MYT1: variants seen among roughly 807,000 people sequenced by gnomAD.
The protein encoded by MYT1 is myelin transcription factor I.
Under a neutral mutation model 123.0 loss-of-function variants are expected in MYT1, and 23 were observed. The observed-to-expected ratio is 0.19, with a 90% CI of 0.13 to 0.26. The LOEUF (loss-of-function observed/expected upper bound fraction) is 0.26. Among genes scored for constraint, MYT1 ranks in the 10% least tolerant of loss-of-function variants. The pLI is 1.00. For synonymous variants in MYT1, 518 were observed against 575.3 expected (o/e 0.90, Z 1.43); for missense variants, 1,125 against 1,472.5 (o/e 0.76, Z 3.86).
At chr20:64,222,451 G>A (rs868427683) in intron 14 of MYT1, among the ~76,000 whole-genome samples, 35 of 152,382 alleles carry the variant, frequency 2.3e-4, no homozygotes, top group Middle Eastern at 3.4e-3. Context: ...GGCCTGGAAT[G>A]TACTGCCTTA....
rs1354997985 is a variant in MYT1 at position 64,193,841 on chromosome 20, A to G, written c.-1+3681A>G. Among the ~76,000 whole-genome samples, 1 of 152,126 alleles carries G rather than the reference A, an allele frequency of 6.6e-6. No homozygotes were observed. The highest frequency in any genetic ancestry group is 1.5e-5 in the Non-Finnish European group (1 of 68,032). ...GTAATTTTATGGATTTTTAAAGAAT[A>G]GTTGTAAGTCCATTCTAATTCTCCA... On this transcript the variant is annotated intron_variant, in intron 2 of 22. Transcript: ENST00000328439. This position sits in a 1 kb window ranked among gnomAD's most constrained non-coding sequence, Gnocchi z 4.0.
chr20:64,234,769 ATGTGACCCTGGGATGGTCATGGTG>A (rs1164599154), intron 19 of MYT1, among the ~76,000 whole-genome samples: 3 of 106,462 alleles, frequency 2.8e-5, no homozygotes, highest in South Asian at 3.5e-4. Context: ...TGGCCGTGGT[ATGTGACCCTGGGATGGTCATGGTG>A]TGTGACCCGG....
chr20:64,240,903 C>T lies in MYT1; in HGVS notation c.*455C>T. The T allele has an allele frequency of 6.1e-6, 1 of 162,920 alleles. No individual in the cohort carries two copies. The highest frequency in any genetic ancestry group is 1.3e-5 in the Non-Finnish European group (1 of 74,612). The allele number at this position is 162,920 out of a possible 1,614,324, so 10.1% of individuals were successfully genotyped here. ...GCAGCGTGTCTGTGCTCAGTGAGGG[C>T]CGATGAAGAAAGTGCGTTTTCTGTT... On this transcript the variant is annotated 3_prime_UTR_variant, in exon 23 of 23. Coordinates refer to ENST00000328439, the MANE Select transcript of MYT1 (RefSeq NM_004535.3).
At position 64,168,219 on chromosome 20, in the gene MYT1, G is replaced by A. The variant is rs922457886; in HGVS notation, c.-99+3480G>A. Among the ~76,000 whole-genome samples the A allele has an allele frequency of 3.3e-5, 5 of 152,230 alleles. No homozygotes were observed. The highest frequency in any genetic ancestry group is 1.2e-4 in the African/African-American group (5 of 41,450). On this transcript the variant is annotated intron_variant, in intron 1 of 22. Coordinates refer to ENST00000328439, the MANE Select transcript of MYT1 (RefSeq NM_004535.3). This position sits in a 1 kb window ranked among gnomAD's most constrained non-coding sequence, Gnocchi z 6.1. ...ATGTTTTTGATCTCAGGCTTCCACGGAGCCAGCTTCAGAGAGAAGAGATTA... is the reference window on the plus strand; with the variant it reads ...ATGTTTTTGATCTCAGGCTTCCACGAAGCCAGCTTCAGAGAGAAGAGATTA...
intron 1 of MYT1, among the ~76,000 whole-genome samples, chr20:64,176,737 G>C (rs1207819685): frequency 6.6e-6 from 1 of 152,206 alleles, no homozygotes; most frequent in Non-Finnish European, 1.5e-5. Flanking sequence ...TGTGAGGCCT[G>C]GTCACATGGC....
chr20:64,194,880 T>C (rs1213793857), intron 2 of MYT1, among the ~76,000 whole-genome samples: 1 of 152,162 alleles, frequency 6.6e-6, no homozygotes, highest in African/African-American at 2.4e-5. Context: ...TTACTGGCTA[T>C]GTGTCTGGGT....
rs1982960320 is a variant in MYT1 at position 64,191,246 on chromosome 20, C to T, written c.-1+1086C>T. On this transcript the variant is annotated intron_variant, in intron 2 of 22. Coordinates refer to ENST00000328439, the MANE Select transcript of MYT1 (RefSeq NM_004535.3). This position sits in a 1 kb window ranked among gnomAD's most constrained non-coding sequence, Gnocchi z 4.1. ...GGTGCAAGCCCTTCTTATACCTTCC[C>T]AGGGTATAAGATCTCCCTTCGGGGA... is the stretch of plus-strand genomic sequence containing the variant. Among the ~76,000 whole-genome samples, 1 of 152,176 alleles carries T rather than the reference C, an allele frequency of 6.6e-6. No homozygotes were observed. Among genetic ancestry groups the T allele is most frequent in the South Asian group, 2.1e-4 (1 of 4,832 alleles).
In MYT1 at chr20:64,232,109, G is replaced by T; in HGVS notation, c.2676-55G>T. On this transcript the variant is annotated intron_variant, in intron 18 of 22. Transcript: ENST00000328439. This position sits in a 1 kb window ranked among gnomAD's most constrained non-coding sequence, Gnocchi z 6.9. ...TGTGTCTGGCTTGAGAGAGTCTCCAGGCTTCTCCTCCCAACCCTTCGCCCC... is the reference window on the plus strand; with the variant it reads ...TGTGTCTGGCTTGAGAGAGTCTCCATGCTTCTCCTCCCAACCCTTCGCCCC... 6.4e-7 allele frequency: 1 copy of T among 1,571,912 alleles called. No individual in the cohort carries two copies. Among genetic ancestry groups the T allele is most frequent in the Non-Finnish European group, 8.7e-7 (1 of 1,147,314 alleles).
rs999390760 is a variant in MYT1 at position 64,241,232 on chromosome 20, C to G, written c.*784C>G. 6.6e-6 allele frequency: 1 copy of G among 152,204 alleles called. No individual in the cohort carries two copies. The highest frequency in any genetic ancestry group is 2.4e-5 in the African/African-American group (1 of 41,442). The allele number at this position is 152,204 out of a possible 1,614,324, so 9.4% of individuals were successfully genotyped here. On this transcript the variant is annotated 3_prime_UTR_variant, in exon 23 of 23. Transcript: ENST00000328439. The surrounding 1 kb of genome is among the most constrained non-coding windows in gnomAD (Gnocchi z 4.2). ...TGGCTTCTGTGCATCCACCCAGGCC[C>G]CCGACCCATCACTGCCACATTCTCC... is the stretch of plus-strand genomic sequence containing the variant.
intron 1 of MYT1, among the ~76,000 whole-genome samples, chr20:64,171,532 G>A (rs1007797521): frequency 1.3e-5 from 2 of 152,206 alleles, no homozygotes; most frequent in African/African-American, 4.8e-5. Flanking sequence ...GCTGGATGTG[G>A]AGCTCCCTTC....
rs182568326 is a variant in MYT1, at chr20:64,208,225, T to C, written c.1029T>C (p.Ile343=). 12 of 1,614,074 alleles carry C rather than the reference T, an allele frequency of 7.4e-6. No homozygotes were observed. The highest frequency in any genetic ancestry group is 3.3e-5 in the South Asian group (3 of 91,084). ...SPSPKPEYSV[I]VEVRSDDDKD... ...GTCCCAAGCCTGAGTACTCTGTTAT[T>C]GTGGAGGTCCGCTCGGATGATGACA... Residue 343 remains isoleucine (I), a synonymous_variant, in exon 7 of 23, where the codon ATT becomes ATC. Transcript: ENST00000328439. This position sits in a 1 kb window ranked among gnomAD's most constrained non-coding sequence, Gnocchi z 5.4.
At chr20:64,171,887 C>A (rs143998362) in intron 1 of MYT1, among the ~76,000 whole-genome samples, 5,240 of 148,338 alleles carry the variant, frequency 0.035, 192 homozygotes, top group South Asian at 0.18. Flanking sequence ...AAACCCTAAC[C>A]CCCTACACCT....
chr20:64,200,884 A>G (rs1983278089), intron 4 of MYT1, among the ~76,000 whole-genome samples: 1 of 152,212 alleles, frequency 6.6e-6, no homozygotes, highest in Admixed American at 6.5e-5. Flanking sequence ...TGGGGTCCTC[A>G]GCATCACACC....
chr20:64,201,794 G>A (rs1006584645), intron 4 of MYT1, among the ~76,000 whole-genome samples: 4 of 152,224 alleles, frequency 2.6e-5, no homozygotes, highest in South Asian at 2.1e-4. Flanking sequence ...CATGACCCAC[G>A]CAGAAAACGC....
At position 64,202,242 on chromosome 20, in the gene MYT1, C is replaced by T. The variant is rs895885910; in HGVS notation, c.86+2320C>T. Among the ~76,000 whole-genome samples the T allele has an allele frequency of 6.0e-4, 92 of 152,212 alleles. No individual in the cohort carries two copies. The highest frequency in any genetic ancestry group is 3.5e-4 in the Non-Finnish European group (24 of 68,048). On this transcript the variant is annotated intron_variant, in intron 4 of 22. Coordinates refer to ENST00000328439, the MANE Select transcript of MYT1 (RefSeq NM_004535.3). The surrounding 1 kb of genome is among the most constrained non-coding windows in gnomAD (Gnocchi z 5.0). ...GAGGAGAGGTTGGACTTGGATCGAG[C>T]AGGACCCTGAGCTGCTATTTCCGAC...
In MYT1 at chr20:64,231,549, C is replaced by A. The variant is rs532161838; in HGVS notation, c.2676-615C>A. ...GTGATTATGGGTAGCGAGTCTCCCC[C>A]ACATGAGGTCTGCGTTCTTCCTTCT... On this transcript the variant is annotated intron_variant, in intron 18 of 22. Transcript: ENST00000328439. This position sits in a 1 kb window ranked among gnomAD's most constrained non-coding sequence, Gnocchi z 6.4. Among the ~76,000 whole-genome samples the A allele has an allele frequency of 6.6e-6, 1 of 152,256 alleles. No individual in the cohort carries two copies. The highest frequency in any genetic ancestry group is 1.5e-5 in the Non-Finnish European group (1 of 68,054).
intron 21 of MYT1, among the ~76,000 whole-genome samples, chr20:64,237,669 G>A (rs1197650129): frequency 1.3e-5 from 2 of 152,166 alleles, no homozygotes; most frequent in Admixed American, 1.3e-4. Context: ...AATAATACTA[G>A]TCCCATTAAG....
In MYT1 at chr20:64,241,038, C is replaced by T. The variant is rs1281049105; in HGVS notation, c.*590C>T. 6.6e-6 allele frequency: 1 copy of T among 152,502 alleles called. No homozygotes were observed. The highest frequency in any genetic ancestry group is 1.5e-5 in the Non-Finnish European group (1 of 68,272). The allele number at this position is 152,502 out of a possible 1,614,324, so 9.4% of individuals were successfully genotyped here. A position where few individuals can be genotyped will look rare whatever the true frequency, so the allele number is the denominator to read the frequency against. On this transcript the variant is annotated 3_prime_UTR_variant, in exon 23 of 23. Transcript: ENST00000328439. This position sits in a 1 kb window ranked among gnomAD's most constrained non-coding sequence, Gnocchi z 4.2. ...CCAGACAGTTGACAAGCATCGCAGC[C>T]CCTGTCAGGTCAAGGAATTTTAACC...
At chr20:64,211,127 G>A in intron 7 of MYT1, 79 bp from the exon 8 acceptor site, 1 of 1,491,572 alleles carries the variant, frequency 6.7e-7, no homozygotes, top group South Asian at 1.3e-5. Context: ...CCAGAGAGAG[G>A]GTTCCTGAGC....
Sources: allele counts gnomAD v4.1 joint callset (sites outside exome capture counted in the v4.1 genomes callset), GRCh38; gene constraint gnomAD v4.1.1; non-coding constraint Gnocchi (gnomAD v3.1); transcripts MANE v1.5; gene names NCBI Gene and HGNC (gene_info 2026-07-23, HGNC 2026-07-21).